TRUB1: variants seen among roughly 807,000 people sequenced by gnomAD.
The protein encoded by TRUB1 is TruB pseudouridine synthase family member 1.
TRUB1 carries 23 observed loss-of-function variants against 33.9 expected under a neutral mutation model. That is an observed-to-expected ratio of 0.68 (90% CI 0.49 to 0.96). The LOEUF is 0.96. TRUB1 is among the 40% of genes least tolerant of loss of function. TRUB1 has a pLI of 0.00. For missense variants in TRUB1, 378 were observed against 422.2 expected (o/e 0.90, Z 0.92); for synonymous variants, 163 against 165.4 (o/e 0.99, Z 0.11).
At chr10:114,968,015 A>G (rs1166835436) in intron 4 of TRUB1, among the ~76,000 whole-genome samples, 3 of 152,174 alleles carry the variant, frequency 2.0e-5, no homozygotes, top group Non-Finnish European at 4.4e-5. Flanking sequence ...TTAATAGTGT[A>G]TGTTATATAC....
chr10:114,958,186 G>C (rs187264416), intron 3 of TRUB1, among the ~76,000 whole-genome samples: 7 of 152,176 alleles, frequency 4.6e-5, no homozygotes, highest in Non-Finnish European at 7.4e-5. Context: ...TGTTACCATT[G>C]TTGTACTTCT....
At chr10:114,951,955 C>T (rs2084237493) in intron 3 of TRUB1, among the ~76,000 whole-genome samples, 1 of 152,140 alleles carries the variant, frequency 6.6e-6, no homozygotes, top group South Asian at 2.1e-4. Flanking sequence ...TTAAAAAAAT[C>T]TGTTGTCAAA....
intron 2 of TRUB1, 60 bp downstream of exon 2, chr10:114,942,803 G>T: frequency 9.1e-7 from 1 of 1,099,498 alleles, no homozygotes; most frequent in South Asian, 1.3e-5. Context: ...AAGAAACACT[G>T]GTTGAGAACA....
chr10:114,950,086 C>T (rs973910575), intron 2 of TRUB1, among the ~76,000 whole-genome samples: 47 of 151,884 alleles, frequency 3.1e-4, no homozygotes, highest in Admixed American at 9.8e-4. Context: ...TTAGTAGAGA[C>T]GGGGTTTCTC....
At chr10:114,940,496 AC>A (rs991013025) in intron 1 of TRUB1, among the ~76,000 whole-genome samples, 2 of 152,106 alleles carry the variant, frequency 1.3e-5, no homozygotes, top group African/African-American at 4.8e-5. Context: ...GTCCTCTAAT[AC>A]CATTCCTTGT....
At chr10:114,947,455 A>G (rs1345351780) in intron 2 of TRUB1, among the ~76,000 whole-genome samples, 1 of 152,244 alleles carries the variant, frequency 6.6e-6, no homozygotes, top group Non-Finnish European at 1.5e-5. Flanking sequence ...AAATTTTTTT[A>G]ACTTTAGAGG....
At position 114,977,520 on chromosome 10, in the gene TRUB1, A is replaced by G. The variant is rs915167412; in HGVS notation, c.*2141A>G. The stretch of plus-strand genomic sequence containing the variant: ...CCTTATTGCATTCCCAAAGAGTTGT[A>G]ACATTTTACAGTGTTACCATTTGAG... On this transcript the variant is annotated 3_prime_UTR_variant, in exon 8 of 8. Transcript: ENST00000298746. 2 of 152,076 alleles carry G rather than the reference A, an allele frequency of 1.3e-5. No individual in the cohort carries two copies. Among genetic ancestry groups the G allele is most frequent in the Admixed American group, 1.3e-4 (2 of 15,274 alleles). 9.4% of individuals were successfully genotyped at this position (152,076 alleles called of 1,614,324 possible). A position where few individuals can be genotyped will look rare whatever the true frequency, so the allele number is the denominator to read the frequency against.
At chr10:114,946,839 T>G (rs1244573882) in intron 2 of TRUB1, among the ~76,000 whole-genome samples, 1 of 152,158 alleles carries the variant, frequency 6.6e-6, no homozygotes, top group Admixed American at 6.5e-5. Context: ...GTTCACAAGT[T>G]TCTCAAAAAT....
chr10:114,943,774 A>G (rs1399089463), intron 2 of TRUB1, among the ~76,000 whole-genome samples: 6 of 152,164 alleles, frequency 3.9e-5, no homozygotes, highest in African/African-American at 9.7e-5. Flanking sequence ...CTATATATCA[A>G]TCTTCGAATG....
intron 3 of TRUB1, among the ~76,000 whole-genome samples, chr10:114,955,079 G>A (rs1165754364): frequency 6.6e-6 from 1 of 152,122 alleles, no homozygotes; most frequent in Non-Finnish European, 1.5e-5. Flanking sequence ...GATAGATGGT[G>A]ATTTTCAAAA....
intron 4 of TRUB1, among the ~76,000 whole-genome samples, chr10:114,970,051 G>A (rs1399692421): frequency 6.6e-6 from 1 of 152,036 alleles, no homozygotes; most frequent in African/African-American, 2.4e-5. Flanking sequence ...GCTAATGTGG[G>A]ATTTTCCTCA....
chr10:114,958,496 G>A (rs1361138695), intron 3 of TRUB1, among the ~76,000 whole-genome samples: 1 of 151,988 alleles, frequency 6.6e-6, no homozygotes, highest in African/African-American at 2.4e-5. Context: ...TCTCATTTTT[G>A]TCTTGGGTCC....
chr10:114,969,136 T>A (rs548448289), intron 4 of TRUB1, among the ~76,000 whole-genome samples: 203 of 150,696 alleles, frequency 1.3e-3, no homozygotes, highest in Non-Finnish European at 2.5e-3. Flanking sequence ...TTTTTTTTTT[T>A]AAATATGGAA....
intron 4 of TRUB1, among the ~76,000 whole-genome samples, chr10:114,960,992 G>A (rs938062703): frequency 2.6e-5 from 4 of 152,122 alleles, no homozygotes; most frequent in Non-Finnish European, 4.4e-5. Flanking sequence ...TAAGGCTGGG[G>A]GGTGTGGGTA....
chr10:114,967,102 C>G (rs2084311818), intron 4 of TRUB1, among the ~76,000 whole-genome samples: 1 of 152,156 alleles, frequency 6.6e-6, no homozygotes, highest in Non-Finnish European at 1.5e-5. Flanking sequence ...ATCAAGGGTG[C>G]CTTCATAGAC....
intron 2 of TRUB1, among the ~76,000 whole-genome samples, chr10:114,949,563 A>G (rs1247462733): frequency 1.3e-5 from 2 of 152,310 alleles, no homozygotes; most frequent in East Asian, 3.9e-4. Flanking sequence ...TTGGTGCTGT[A>G]GGCACTGGGA....
intron 3 of TRUB1, among the ~76,000 whole-genome samples, chr10:114,956,526 A>G (rs1210149326): frequency 6.6e-6 from 1 of 152,204 alleles, no homozygotes; most frequent in Non-Finnish European, 1.5e-5. Context: ...GGATAATTGA[A>G]TAAAATTGAA....
intron 4 of TRUB1, among the ~76,000 whole-genome samples, chr10:114,965,543 A>G (rs1369658490): frequency 6.6e-6 from 1 of 152,018 alleles, no homozygotes; most frequent in Non-Finnish European, 1.5e-5. Context: ...AATGTCCTGG[A>G]CTGGCTTTGA....
At chr10:114,960,543 A>G (rs555138230) in intron 4 of TRUB1, among the ~76,000 whole-genome samples, 2 of 152,090 alleles carry the variant, frequency 1.3e-5, no homozygotes, top group Non-Finnish European at 2.9e-5. Flanking sequence ...TTTTGTGTTG[A>G]TTATCCTTAT....
Sources: gnomAD v4.1 joint callset for allele counts (sites outside exome capture counted in the v4.1 genomes callset) on GRCh38, gnomAD v4.1.1 for gene constraint, MANE v1.5 for transcripts, NCBI Gene and HGNC (gene_info 2026-07-23, HGNC 2026-07-21) for gene names.